PIK3C2G: variants seen among roughly 807,000 people sequenced by gnomAD.
PIK3C2G encodes the protein phosphatidylinositol-4-phosphate 3-kinase catalytic subunit type 2 gamma, also known as phosphatidylinositol 3-kinase C2 domain-containing subunit gamma.
Under a neutral mutation model 181.1 loss-of-function variants are expected in PIK3C2G, and 168 were observed. The observed-to-expected ratio is 0.93, with a 90% CI of 0.82 to 1.05. PIK3C2G has a LOEUF of 1.05. Ranked by LOEUF, PIK3C2G falls within the 50% of genes least tolerant of loss-of-function variation. The pLI is 0.00. For missense variants in PIK3C2G, 1,869 were observed against 1,732.8 expected, an observed-to-expected ratio of 1.08 and a Z score of -1.40; for synonymous variants, 573 against 592.2, an observed-to-expected ratio of 0.97 and a Z score of 0.47.
In PIK3C2G at chr12:18,367,824, G is replaced by A. The variant is rs1365922723; in HGVS notation, c.1749-3356G>A. Among the ~76,000 whole-genome samples the A allele has an allele frequency of 2.0e-5, 3 of 152,116 alleles. No individual in the cohort carries two copies. In the Middle Eastern group the frequency reaches 0.01, roughly 521 times the overall value. On this transcript the variant is annotated intron_variant, in intron 12 of 32. Transcript: ENST00000538779. The stretch of plus-strand genomic sequence containing the variant: ...CTGCCCATCTTGGTGGGAGTGCTGG[G>A]ATTACAGGCATGAGCCACCACCCCT...
intron 15 of PIK3C2G, among the ~76,000 whole-genome samples, chr12:18,394,024 T>G (rs1943708356): frequency 6.6e-6 from 1 of 152,060 alleles, no homozygotes; most frequent in Non-Finnish European, 1.5e-5. Flanking sequence ...GGTGGAAACT[T>G]TCCAGGGCCT....
chr12:18,313,163 A>G lies in PIK3C2G; in HGVS notation c.1035-799A>G, dbSNP rs1950710448. Among the ~76,000 whole-genome samples, 2 of 152,206 alleles carry G rather than the reference A, an allele frequency of 1.3e-5. 1 individual carries two copies. Among genetic ancestry groups the G allele is most frequent in the South Asian group, 4.1e-4 (2 of 4,834 alleles). ...AAAGCTGTAAAGGGACTTATATAGTAGAAGCCCTTCATTTCACAGAAGAAT... is the reference window on the plus strand; with the variant it reads ...AAAGCTGTAAAGGGACTTATATAGTGGAAGCCCTTCATTTCACAGAAGAAT... On this transcript the variant is annotated intron_variant, in intron 5 of 32. Transcript: ENST00000538779.
At chr12:18,594,591 T>A in intron 30 of PIK3C2G, 22 bp downstream of exon 30, 3 of 1,243,886 alleles carry the variant, frequency 2.4e-6, no homozygotes, top group Non-Finnish European at 3.3e-6. Context: ...TGTCATTATA[T>A]TACGTACAGT....
chr12:18,310,711 G>A (rs925475108), intron 5 of PIK3C2G, among the ~76,000 whole-genome samples: 2 of 151,708 alleles, frequency 1.3e-5, no homozygotes, highest in African/African-American at 4.8e-5. Context: ...GATAAATAGA[G>A]AAAGAAGAGA....
downstream of PIK3C2G, among the ~76,000 whole-genome samples, chr12:18,650,708 A>G (rs1015136959): frequency 0.088 from 639 of 7,286 alleles, 18 homozygotes; most frequent in African/African-American, 0.22. Flanking sequence ...GTGTGTGTAT[A>G]TATCTATATA....
chr12:18,360,594 A>C (rs1471115393), intron 11 of PIK3C2G, among the ~76,000 whole-genome samples: 2 of 152,196 alleles, frequency 1.3e-5, no homozygotes, highest in Admixed American at 1.3e-4. Context: ...CACCTCATAA[A>C]GTATTTCTCT....
the PIK3C2G span, among the ~76,000 whole-genome samples, chr12:18,694,611 T>C: frequency 6.6e-6 from 1 of 152,160 alleles, no homozygotes; most frequent in African/African-American, 2.4e-5. Flanking sequence ...AACTGAGACC[T>C]GTATCTCACA....
At chr12:18,385,744 T>A (rs1943127414) in intron 14 of PIK3C2G, among the ~76,000 whole-genome samples, 1 of 151,984 alleles carries the variant, frequency 6.6e-6, no homozygotes, top group South Asian at 2.1e-4. Flanking sequence ...AATTTTTGTA[T>A]CTTAGTAGAT....
At chr12:18,713,109 C>A in the PIK3C2G span, 21 of 1,294,920 alleles carry the variant, frequency 1.6e-5, no homozygotes, top group Middle Eastern at 4.3e-4. Context: ...CCATAAAACT[C>A]TATAAAAACT....
At chr12:18,331,856 T>C (rs1219327531) in intron 8 of PIK3C2G, among the ~76,000 whole-genome samples, 1 of 152,152 alleles carries the variant, frequency 6.6e-6, no homozygotes, top group Non-Finnish European at 1.5e-5. Context: ...TATAGTTTAC[T>C]AAGAGCTTAT....
chr12:18,489,151 T>A (rs1940331898), intron 19 of PIK3C2G, among the ~76,000 whole-genome samples: 1 of 152,120 alleles, frequency 6.6e-6, no homozygotes, highest in African/African-American at 2.4e-5. Flanking sequence ...TGGCTATTAT[T>A]TTTCTTGGAA....
chr12:18,452,806 T>C (rs1947434335), intron 18 of PIK3C2G, among the ~76,000 whole-genome samples: 1 of 152,212 alleles, frequency 6.6e-6, no homozygotes. Flanking sequence ...TTATTTCTAC[T>C]TTAATTTCGT....
chr12:18,680,060 C>T, the PIK3C2G span, among the ~76,000 whole-genome samples: 2 of 151,872 alleles, frequency 1.3e-5, no homozygotes, highest in African/African-American at 4.8e-5. Flanking sequence ...TTTGTTGGTA[C>T]ACATATTTCC....
At chr12:18,724,558 T>C in the PIK3C2G span, among the ~76,000 whole-genome samples, 2 of 152,232 alleles carry the variant, frequency 1.3e-5, no homozygotes, top group South Asian at 4.1e-4. Flanking sequence ...GTGGGATCTG[T>C]GGTTGTCAAA....
chr12:18,428,706 GTC>G lies in PIK3C2G; in HGVS notation c.2504+4671_2504+4672del, dbSNP rs1360706429. On this transcript the variant is annotated intron_variant, in intron 18 of 32. Transcript: ENST00000538779. ...GTGAAATTGACTTAGGCTCACGTGA[GTC>G]TCTTCCACTGGAAGAGTGAATGTAG... Among the ~76,000 whole-genome samples, 4 of 152,298 alleles carry G rather than the reference GTC, an allele frequency of 2.6e-5. No individual in the cohort carries two copies. In the East Asian group the frequency reaches 7.7e-4, roughly 29 times the overall value.
downstream of PIK3C2G, among the ~76,000 whole-genome samples, chr12:18,649,039 C>G (rs1950306903): frequency 6.6e-6 from 1 of 151,998 alleles, no homozygotes; most frequent in Admixed American, 6.6e-5. Flanking sequence ...GTGATATGAG[C>G]TGATATGGGC....
At chr12:18,628,011 AC>A (rs771344221) in intron 31 of PIK3C2G, among the ~76,000 whole-genome samples, 5 of 152,194 alleles carry the variant, frequency 3.3e-5, no homozygotes, top group African/African-American at 7.2e-5. Flanking sequence ...ATATTTTTAA[AC>A]CACGTCTGTA....
the PIK3C2G span, among the ~76,000 whole-genome samples, chr12:18,726,210 A>T: frequency 3.3e-5 from 5 of 152,172 alleles, no homozygotes; most frequent in Non-Finnish European, 5.9e-5. Flanking sequence ...TGCATATCCC[A>T]GAAGATATGC....
chr12:18,513,427 G>T (rs534052958), intron 24 of PIK3C2G, among the ~76,000 whole-genome samples: 1 of 151,432 alleles, frequency 6.6e-6, no homozygotes, highest in East Asian at 1.9e-4. Context: ...CCAGTTGTGG[G>T]CTTTTCTTTG....
Sources: gnomAD v4.1 joint callset for allele counts (sites outside exome capture counted in the v4.1 genomes callset) on GRCh38, gnomAD v4.1.1 for gene constraint, MANE v1.5 for transcripts, NCBI Gene and HGNC (gene_info 2026-07-23, HGNC 2026-07-21) for gene names.